The following B4GAT1 variants were observed in gnomAD, a reference collection of about 807,000 sequenced individuals.
B4GAT1 encodes N-acetyllactosaminide beta-1,3-N-acetylglucosaminyltransferase.
Under a neutral mutation model 35.0 loss-of-function variants are expected in B4GAT1, and 18 were observed. That is an observed-to-expected ratio of 0.51 (90% CI 0.36 to 0.76). B4GAT1 has a LOEUF of 0.76. Ranked by LOEUF, B4GAT1 falls within the 30% of genes least tolerant of loss-of-function variation. The pLI, the probability that B4GAT1 is intolerant of heterozygous loss-of-function variation, is 0.01. For synonymous variants in B4GAT1, 217 were observed against 251.6 expected, an observed-to-expected ratio of 0.86 and a Z score of 1.30; for missense variants, 458 against 555.0, an observed-to-expected ratio of 0.83 and a Z score of 1.76.
At position 66,347,035 on chromosome 11, in the gene B4GAT1, G is replaced by T. The variant is rs750370418; in HGVS notation, c.511C>A (p.Arg171=). The T allele has an allele frequency of 7.6e-6, 12 of 1,587,826 alleles. No homozygotes were observed. The Middle Eastern group carries it at 1.2e-3, about 154-fold the overall frequency. The change falls in exon 1 of 2, where the codon CGG becomes AGG. Residue 171 remains arginine, a synonymous_variant. Coordinates refer to ENST00000311181, the MANE Select transcript of B4GAT1 (RefSeq NM_006876.3). This position sits in a 1 kb window ranked among gnomAD's most constrained non-coding sequence, Gnocchi z 6.3. ...SRYEAAVPDP[R]EPGEFALLRS... ...AGCAGGGCAAACTCCCCCGGCTCCCGGGGGTCGGGCACGGCTGCCTCGTAA... is the reference window on the plus strand; with the variant it reads ...AGCAGGGCAAACTCCCCCGGCTCCCTGGGGTCGGGCACGGCTGCCTCGTAA...
In B4GAT1 at chr11:66,345,448, A is replaced by G. The variant is rs1855193420; in HGVS notation, c.*601T>C. ...CCAGCCCAGCCCGTTGAAGGGACAG[A>G]TCTCAGGCTGTCACCCATGGAACCT... On this transcript the variant is annotated 3_prime_UTR_variant, in exon 2 of 2. Coordinates refer to ENST00000311181, the MANE Select transcript of B4GAT1 (RefSeq NM_006876.3). 6.6e-6 allele frequency: 1 copy of G among 152,316 alleles called. No individual in the cohort carries two copies. The highest frequency in any genetic ancestry group is 1.5e-5 in the Non-Finnish European group (1 of 68,116). The allele number at this position is 152,316 out of a possible 1,614,324, so 9.4% of individuals were successfully genotyped here. A position where few individuals can be genotyped will look rare whatever the true frequency, so the allele number is the denominator to read the frequency against.
Position 66,347,012 on chromosome 11 carries a change from C to T in B4GAT1, c.534G>A (p.Leu178=). ...CAAAGACCTCCTGGCAGGACCGCAG[C>T]AGGGCAAACTCCCCCGGCTCCCGGG... The part of the protein sequence containing the change: ...PDPREPGEFA[L]LRSCQEVFDK... The change falls in exon 1 of 2, where the codon CTG becomes CTA. Residue 178 remains leucine, a synonymous_variant. Transcript: ENST00000311181. This position sits in a 1 kb window ranked among gnomAD's most constrained non-coding sequence, Gnocchi z 6.3. 6.3e-7 allele frequency: 1 copy of T among 1,598,564 alleles called. No homozygotes were observed. Among genetic ancestry groups the T allele is most frequent in the Admixed American group, 1.7e-5 (1 of 59,422 alleles).
In B4GAT1 at chr11:66,347,574, C is replaced by A. The variant is rs1212799033; in HGVS notation, c.-29G>T. The stretch of plus-strand genomic sequence containing the variant: ...TCTCGGGGCTCGGGGCGCGCAGCAA[C>A]GACCACCCGGCCACAGACTACGCCA... On this transcript the variant is annotated 5_prime_UTR_variant, in exon 1 of 2. Transcript: ENST00000311181. This position sits in a 1 kb window ranked among gnomAD's most constrained non-coding sequence, Gnocchi z 6.3. 1.6e-6 allele frequency: 2 copies of A among 1,269,442 alleles called. No homozygotes were observed. Among genetic ancestry groups the A allele is most frequent in the African/African-American group, 3.1e-5 (2 of 65,360 alleles). The allele number at this position is 1,269,442 out of a possible 1,614,324, so 78.6% of individuals were successfully genotyped here.
In B4GAT1 at chr11:66,346,583, C is replaced by A. The variant is rs1212786380; in HGVS notation, c.963G>T (p.Trp321Cys). The A allele has an allele frequency of 6.2e-7, 1 of 1,613,980 alleles. No homozygotes were observed. The highest frequency in any genetic ancestry group is 8.5e-7 in the Non-Finnish European group (1 of 1,180,030). ...SLLRPAYVVP[W>C]QDPWEPFYVA... The stretch of plus-strand genomic sequence containing the variant: ...CGTAGAATGGCTCCCAGGGGTCCTG[C>A]CAAGGTACCACGTAGGCGGGCCGCA... The change falls in exon 1 of 2, where the codon TGG (tryptophan) becomes TGT (cysteine). Residue 321 changes from tryptophan to cysteine, a missense_variant. By Grantham distance (215) the Trp-to-Cys change is radical. Transcript: ENST00000311181. This position sits in a 1 kb window ranked among gnomAD's most constrained non-coding sequence, Gnocchi z 6.1.
In B4GAT1 at chr11:66,347,166, G is replaced by A; in HGVS notation, c.380C>T (p.Ala127Val). 1 of 1,590,854 alleles carries A rather than the reference G, an allele frequency of 6.3e-7. No individual in the cohort carries two copies. Among genetic ancestry groups the A allele is most frequent in the Admixed American group, 1.8e-5 (1 of 56,356 alleles). ...GGCCAGCTGCGCCTCCTCCTTGGTGGCCGCGAACACCGACACGGACAGCGG... is the reference window on the plus strand; with the variant it reads ...GGCCAGCTGCGCCTCCTCCTTGGTGACCGCGAACACCGACACGGACAGCGG... ...EGPLSVSVFA[A>V]TKEEAQLATV... The change falls in exon 1 of 2, where the codon GCC becomes GTC. Residue 127 changes from alanine (A) to valine (V), a missense_variant. Transcript: ENST00000311181. This position sits in a 1 kb window ranked among gnomAD's most constrained non-coding sequence, Gnocchi z 6.3.
In B4GAT1 at chr11:66,345,733, TG is replaced by T; in HGVS notation, c.*315del. ...TGCGATAATATTAATACTTCACATTTGTACGAAGCTTACAGAATGTTTTCAC... is the reference window on the plus strand; with the variant it reads ...TGCGATAATATTAATACTTCACATTTTACGAAGCTTACAGAATGTTTTCAC... On this transcript the variant is annotated 3_prime_UTR_variant, in exon 2 of 2. Coordinates refer to ENST00000311181, the MANE Select transcript of B4GAT1 (RefSeq NM_006876.3). The T allele has an allele frequency of 3.2e-6, 1 of 310,060 alleles. No individual in the cohort carries two copies. The highest frequency in any genetic ancestry group is 6.0e-6 in the Non-Finnish European group (1 of 167,128). 19.2% of individuals were successfully genotyped at this position (310,060 alleles called of 1,614,324 possible).
rs188013831 is a variant in B4GAT1 at position 66,346,305 on chromosome 11, A to G, written c.1057-65T>C. The G allele has an allele frequency of 1.9e-4, 306 of 1,584,316 alleles. 4 individuals carry two copies. The East Asian group carries it at 3.6e-3, about 19-fold the overall frequency. On this transcript the variant is annotated intron_variant, in intron 1 of 1. Transcript: ENST00000311181. The surrounding 1 kb of genome is among the most constrained non-coding windows in gnomAD (Gnocchi z 6.1). ...TGACAGGCCTGAGACTGACTTCCCT[A>G]AAGCCACAGTCCAGCGTCCTCACCC...
Position 66,346,415 on chromosome 11 carries a change from A to C in B4GAT1, c.1056+75T>G. The C allele has an allele frequency of 6.5e-7, 1 of 1,544,564 alleles. No homozygotes were observed. The highest frequency in any genetic ancestry group is 8.7e-7 in the Non-Finnish European group (1 of 1,144,806). ...CTGCTTCATTGCCTCCTTTCCATCC[A>C]GGGCCACTCCTCATAACTCCCTGAT... On this transcript the variant is annotated intron_variant, in intron 1 of 1. Transcript: ENST00000311181. The surrounding 1 kb of genome is among the most constrained non-coding windows in gnomAD (Gnocchi z 6.1).
rs1046639913 is a variant in B4GAT1, at chr11:66,346,018, G to A, written c.*31C>T. On this transcript the variant is annotated 3_prime_UTR_variant, in exon 2 of 2. Transcript: ENST00000311181. This position sits in a 1 kb window ranked among gnomAD's most constrained non-coding sequence, Gnocchi z 6.1. ...AAATGGTGGCCTGAGGAGCCAAGAG[G>A]CTGACTTCTCAGATTAGGGGAGGGA... 6.9e-6 allele frequency: 11 copies of A among 1,591,410 alleles called. No individual in the cohort carries two copies. Among genetic ancestry groups the A allele is most frequent in the Non-Finnish European group, 9.5e-6 (11 of 1,162,984 alleles).
chr11:66,345,684 CAATAAT>C lies in B4GAT1; in HGVS notation c.*359_*364del, dbSNP rs767678516. 2.1e-5 allele frequency: 4 copies of C among 188,958 alleles called. No homozygotes were observed. In the East Asian group the frequency reaches 5.5e-4, roughly 26 times the overall value. 11.7% of individuals were successfully genotyped at this position (188,958 alleles called of 1,614,324 possible). A position where few individuals can be genotyped will look rare whatever the true frequency, so the allele number is the denominator to read the frequency against. ...ACCCACCCAAGATTGTTAATAATAA[CAATAAT>C]AATAACAACAATAATACTGCGATAA... On this transcript the variant is annotated 3_prime_UTR_variant, in exon 2 of 2. Transcript: ENST00000311181.
Position 66,346,477 on chromosome 11 carries a change from C to A in B4GAT1, c.1056+13G>T. On this transcript the variant is annotated intron_variant, in intron 1 of 1. Transcript: ENST00000311181. This position sits in a 1 kb window ranked among gnomAD's most constrained non-coding sequence, Gnocchi z 6.1. Reference sequence around the variant, plus strand: ...TCCTGCCCCATTACCCCTGCCCTCTCCCTTATGAGCACCTGGCTGATTCGG... The same window carrying A: ...TCCTGCCCCATTACCCCTGCCCTCTACCTTATGAGCACCTGGCTGATTCGG... 1 of 1,592,000 alleles carries A rather than the reference C, an allele frequency of 6.3e-7. No individual in the cohort carries two copies. Among genetic ancestry groups the A allele is most frequent in the Non-Finnish European group, 8.6e-7 (1 of 1,165,954 alleles).
Position 66,347,213 on chromosome 11 carries a change from A to T in B4GAT1, c.333T>A (p.Gly111=). ...ASVDNLLHLS[G]LLERWEGPLS... is the part of the protein sequence containing the mutation. ...GCGGGCCCTCCCAGCGCTCCAGCAG[A>T]CCCGACAGGTGCAGCAGGTTGTCCA... The change falls in exon 1 of 2, where the codon GGT becomes GGA. Residue 111 remains glycine (G), a synonymous_variant. Coordinates refer to ENST00000311181, the MANE Select transcript of B4GAT1 (RefSeq NM_006876.3). The surrounding 1 kb of genome is among the most constrained non-coding windows in gnomAD (Gnocchi z 6.3). The T allele has an allele frequency of 6.3e-7, 1 of 1,575,386 alleles. No individual in the cohort carries two copies. The highest frequency in any genetic ancestry group is 8.6e-7 in the Non-Finnish European group (1 of 1,161,204).
At position 66,346,193 on chromosome 11, in the gene B4GAT1, T is replaced by C. The variant is rs1288654253; in HGVS notation, c.1104A>G (p.Glu368=). 2 of 1,614,056 alleles carry C rather than the reference T, an allele frequency of 1.2e-6. No individual in the cohort carries two copies. The highest frequency in any genetic ancestry group is 1.7e-6 in the Non-Finnish European group (2 of 1,179,962). ...VAGFDFEVLN[E]GFLVHKGFKE... ...TGAAGCCCTTATGAACCAAGAAACC[T>C]TCGTTCAGGACCTCAAAATCAAACC... The change falls in exon 2 of 2, where the codon GAA becomes GAG. Residue 368 remains glutamate (E), a synonymous_variant. Coordinates refer to ENST00000311181, the MANE Select transcript of B4GAT1 (RefSeq NM_006876.3). This position sits in a 1 kb window ranked among gnomAD's most constrained non-coding sequence, Gnocchi z 6.1.
Position 66,347,569 on chromosome 11 carries a change from A to C in B4GAT1, c.-24T>G. 7.8e-7 allele frequency: 1 copy of C among 1,277,266 alleles called. No homozygotes were observed. The highest frequency in any genetic ancestry group is 9.9e-7 in the Non-Finnish European group (1 of 1,010,754). The allele number at this position is 1,277,266 out of a possible 1,614,324, so 79.1% of individuals were successfully genotyped here. ...ATGGCTCTCGGGGCTCGGGGCGCGC[A>C]GCAACGACCACCCGGCCACAGACTA... On this transcript the variant is annotated 5_prime_UTR_variant, in exon 1 of 2. Transcript: ENST00000311181. The surrounding 1 kb of genome is among the most constrained non-coding windows in gnomAD (Gnocchi z 6.3).
Position 66,347,615 on chromosome 11 carries a change from G to C in B4GAT1, c.-70C>G, listed in dbSNP as rs1291590421. The C allele has an allele frequency of 2.4e-6, 3 of 1,230,810 alleles. No homozygotes were observed. Among genetic ancestry groups the C allele is most frequent in the Non-Finnish European group, 2.0e-6 (2 of 987,404 alleles). 76.2% of individuals were successfully genotyped at this position (1,230,810 alleles called of 1,614,324 possible). A position where few individuals can be genotyped will look rare whatever the true frequency, so the allele number is the denominator to read the frequency against. On this transcript the variant is annotated 5_prime_UTR_variant, in exon 1 of 2. It adds an upstream start codon to the 5' untranslated region. Transcript: ENST00000311181. The surrounding 1 kb of genome is among the most constrained non-coding windows in gnomAD (Gnocchi z 6.3). ...GACTACGCCAGCGGCCGCAAGCCCG[G>C]ATTTACCGCAGCCTGCCGAGCGCAG...
At position 66,346,867 on chromosome 11, in the gene B4GAT1, C is replaced by G; in HGVS notation, c.679G>C (p.Asp227His). The change falls in exon 1 of 2, where the codon GAT becomes CAT. Residue 227 changes from aspartate to histidine, a missense_variant. Physicochemically the swap from Asp to His is moderately conservative, Grantham distance 81. Transcript: ENST00000311181. This position sits in a 1 kb window ranked among gnomAD's most constrained non-coding sequence, Gnocchi z 6.1. Reference sequence around the variant, plus strand: ...CCCTCGCTGGGCACCATGTCCACATCGATCACCAGGGCATAGTTGGCCCCC... The same window carrying G: ...CCCTCGCTGGGCACCATGTCCACATGGATCACCAGGGCATAGTTGGCCCCC... Reference protein sequence around the residue: ...REGANYALVIDVDMVPSEGLW... With the variant: ...REGANYALVIHVDMVPSEGLW... 1 of 1,613,922 alleles carries G rather than the reference C, an allele frequency of 6.2e-7. No homozygotes were observed. Among genetic ancestry groups the G allele is most frequent in the Non-Finnish European group, 8.5e-7 (1 of 1,180,016 alleles).
Position 66,347,114 on chromosome 11 carries a change from G to T in B4GAT1, c.432C>A (p.Ser144Arg). Residue 144 changes from serine to arginine, a missense_variant, in exon 1 of 2, where the codon AGC becomes AGA. By Grantham distance (110) the Ser-to-Arg change is moderately radical. Transcript: ENST00000311181. This position sits in a 1 kb window ranked among gnomAD's most constrained non-coding sequence, Gnocchi z 6.3. ...LATVLAYALSSHCPDMRARVA... is the reference protein window; with the variant it reads ...LATVLAYALSRHCPDMRARVA... ...CCCTGGCGCGCATGTCGGGGCAGTG[G>T]CTGCTCAGCGCGTAGGCCAGCACCG... is the stretch of plus-strand genomic sequence containing the variant. 1 of 1,585,380 alleles carries T rather than the reference G, an allele frequency of 6.3e-7. No homozygotes were observed. The highest frequency in any genetic ancestry group is 8.6e-7 in the Non-Finnish European group (1 of 1,166,112).
Position 66,346,554 on chromosome 11 carries a change from G to A in B4GAT1, c.992C>T (p.Ala331Val). 1.2e-6 allele frequency: 2 copies of A among 1,613,590 alleles called. No homozygotes were observed. The highest frequency in any genetic ancestry group is 1.7e-6 in the Non-Finnish European group (2 of 1,179,758). The change falls in exon 1 of 2, where the codon GCA (alanine) becomes GTA (valine). Residue 331 changes from alanine to valine, a missense_variant. Coordinates refer to ENST00000311181, the MANE Select transcript of B4GAT1 (RefSeq NM_006876.3). This position sits in a 1 kb window ranked among gnomAD's most constrained non-coding sequence, Gnocchi z 6.1. Reference protein sequence around the residue: ...WQDPWEPFYVAGGKVPTFDER... With the variant: ...WQDPWEPFYVVGGKVPTFDER... ...GTCGAAGGTGGGCACCTTGCCTCCT[G>A]CCACGTAGAATGGCTCCCAGGGGTC...
Position 66,347,464 on chromosome 11 carries a change from G to A in B4GAT1, c.82C>T (p.Leu28Phe). ...ALMLVAMLQLLYLSLLSGLHG... is the reference protein window; with the variant it reads ...ALMLVAMLQLFYLSLLSGLHG... The stretch of plus-strand genomic sequence containing the variant: ...AGTCCGGACAGCAGCGACAGGTAGA[G>A]CAGCTGCAGCATCGCCACCAGCATG... The change falls in exon 1 of 2, where the codon CTC becomes TTC. Residue 28 changes from leucine (L) to phenylalanine (F), a missense_variant. Transcript: ENST00000311181. This position sits in a 1 kb window ranked among gnomAD's most constrained non-coding sequence, Gnocchi z 6.3. 1.3e-6 allele frequency: 2 copies of A among 1,532,150 alleles called. No individual in the cohort carries two copies. Among genetic ancestry groups the A allele is most frequent in the South Asian group, 1.3e-5 (1 of 77,730 alleles). The allele number at this position is 1,532,150 out of a possible 1,614,324, so 94.9% of individuals were successfully genotyped here. A position where few individuals can be genotyped will look rare whatever the true frequency, so the allele number is the denominator to read the frequency against.
Sources: gnomAD v4.1 joint callset for allele counts on GRCh38, gnomAD v4.1.1 for gene constraint, Gnocchi (gnomAD v3.1) non-coding constraint, MANE v1.5 for transcripts, NCBI Gene and HGNC (gene_info 2026-07-23, HGNC 2026-07-21) for gene names.